The following INPP4B variants were observed in gnomAD, a reference collection of about 807,000 sequenced individuals.
INPP4B encodes the protein inositol polyphosphate 4-phosphatase type II.
INPP4B carries 55 observed loss-of-function variants against 122.5 expected under a neutral mutation model. The ratio of observed to expected loss-of-function variants is 0.45; its 90% CI spans 0.36 to 0.56. The LOEUF (loss-of-function observed/expected upper bound fraction) is 0.56. INPP4B is among the 20% of genes least tolerant of loss of function. The pLI is 0.00. For synonymous variants in INPP4B, 403 were observed against 388.7 expected (o/e 1.04, Z -0.43); for missense variants, 1,000 against 1,097.7 (o/e 0.91, Z 1.26).
intron 23 of INPP4B, among the ~76,000 whole-genome samples, chr4:142,097,225 T>TTTTATGTTATTTTATTTTA (rs70949153): frequency 1.5e-5 from 2 of 135,556 alleles, no homozygotes; most frequent in South Asian, 4.7e-4. Flanking sequence ...TTTTATGTTA[T>TTTTATGTTATTTTATTTTA]TTTTATTTTA....
At chr4:142,671,893 T>C (rs1757054717) in intron 2 of INPP4B, among the ~76,000 whole-genome samples, 1 of 152,144 alleles carries the variant, frequency 6.6e-6, no homozygotes, top group Non-Finnish European at 1.5e-5. Context: ...CCCCAAAATA[T>C]TGCCTCATGC....
At chr4:142,820,091 G>C (rs1780615142) in intron 1 of INPP4B, among the ~76,000 whole-genome samples, 1 of 152,034 alleles carries the variant, frequency 6.6e-6, no homozygotes, top group Non-Finnish European at 1.5e-5. Flanking sequence ...TGTACCTCCA[G>C]GTTAGGCTAT....
At chr4:142,371,515 A>G (rs2148706811) in intron 7 of INPP4B, among the ~76,000 whole-genome samples, 1 of 152,288 alleles carries the variant, frequency 6.6e-6, no homozygotes, top group East Asian at 1.9e-4. Context: ...AAATATTTGC[A>G]AACTGTTTAT....
At chr4:142,325,208 C>A (rs552332505) in intron 7 of INPP4B, among the ~76,000 whole-genome samples, 12 of 152,308 alleles carry the variant, frequency 7.9e-5, no homozygotes, top group African/African-American at 2.9e-4. Context: ...CCTACCCAAA[C>A]CGAACTCCTT....
At chr4:142,806,506 C>A (rs1324356428) in intron 1 of INPP4B, among the ~76,000 whole-genome samples, 1 of 151,626 alleles carries the variant, frequency 6.6e-6, no homozygotes, top group Non-Finnish European at 1.5e-5. Flanking sequence ...CTTTGGGAGG[C>A]CAAGGGGGGT....
At chr4:142,153,647 A>G (rs1402575744) in intron 17 of INPP4B, among the ~76,000 whole-genome samples, 1 of 152,186 alleles carries the variant, frequency 6.6e-6, no homozygotes, top group Non-Finnish European at 1.5e-5. Flanking sequence ...ACATTAATAG[A>G]AGTAAAATAT....
intron 12 of INPP4B, among the ~76,000 whole-genome samples, chr4:142,217,975 C>T (rs890708871): frequency 1.3e-5 from 2 of 152,136 alleles, no homozygotes; most frequent in African/African-American, 4.8e-5. Context: ...AGCCTACTCA[C>T]CCTGCAAATC....
At chr4:142,408,616 T>C (rs1803953177) in intron 5 of INPP4B, among the ~76,000 whole-genome samples, 4 of 152,184 alleles carry the variant, frequency 2.6e-5, no homozygotes, top group Admixed American at 2.6e-4. Context: ...TAACCAAATA[T>C]AATTCTACTC....
intron 2 of INPP4B, among the ~76,000 whole-genome samples, chr4:142,558,454 A>T (rs1435270881): frequency 6.6e-6 from 1 of 152,156 alleles, no homozygotes; most frequent in African/African-American, 2.4e-5. Flanking sequence ...AAAAACCAAA[A>T]GTTAGGGAGG....
At chr4:142,301,462 G>C (rs1053929545) in intron 9 of INPP4B, among the ~76,000 whole-genome samples, 1 of 152,148 alleles carries the variant, frequency 6.6e-6, no homozygotes, top group Non-Finnish European at 1.5e-5. Context: ...AGGCTCTGGA[G>C]TCAGACCAAA....
chr4:142,429,064 T>C, intron 5 of INPP4B, 109 bp downstream of exon 5: 2 of 569,034 alleles, frequency 3.5e-6, no homozygotes, highest in Non-Finnish European at 6.3e-6. Flanking sequence ...TAGAACAATG[T>C]TCATAAAAAT....
chr4:142,366,412 C>G (rs1787505059), intron 7 of INPP4B, among the ~76,000 whole-genome samples: 1 of 151,704 alleles, frequency 6.6e-6, no homozygotes, highest in Non-Finnish European at 1.5e-5. Context: ...ATAAATGGCT[C>G]TAATAAAATA....
intron 1 of INPP4B, among the ~76,000 whole-genome samples, chr4:142,832,424 C>T (rs939149985): frequency 1.3e-5 from 2 of 152,082 alleles, no homozygotes; most frequent in Non-Finnish European, 2.9e-5. Context: ...TAGATTGATC[C>T]AGTCAGAGCT....
At chr4:142,733,474 A>G (rs1580796667) in intron 1 of INPP4B, among the ~76,000 whole-genome samples, 1 of 152,342 alleles carries the variant, frequency 6.6e-6, no homozygotes, top group East Asian at 1.9e-4. Flanking sequence ...AAAGTCATAA[A>G]TATAAACTTC....
intron 2 of INPP4B, chr4:142,654,719 A>C (rs1221811046): frequency 6.6e-6 from 1 of 152,210 alleles, no homozygotes; most frequent in African/African-American, 2.4e-5. Flanking sequence ...ACAAAGTCAG[A>C]CCAAAGTTCC....
chr4:142,123,243 T>A, intron 20 of INPP4B, 49 bp downstream of exon 20: 1 of 1,436,302 alleles, frequency 7.0e-7, no homozygotes, highest in Non-Finnish European at 9.4e-7. Flanking sequence ...GGATTAAATG[T>A]CCTTCTGAAT....
intron 16 of INPP4B, among the ~76,000 whole-genome samples, chr4:142,163,427 T>C (rs190616436): frequency 4.6e-5 from 7 of 151,974 alleles, no homozygotes; most frequent in Admixed American, 4.6e-4. Context: ...CATGTTCAAG[T>C]AGCCTTGATG....
At position 142,389,616 on chromosome 4, in the gene INPP4B, C is replaced by A. The variant is rs191706658; in HGVS notation, c.372+13322G>T. Among the ~76,000 whole-genome samples the A allele has an allele frequency of 4.3e-3, 654 of 152,170 alleles. 4 individuals carry two copies. Among genetic ancestry groups the A allele is most frequent in the African/African-American group, 0.015 (640 of 41,526 alleles). On this transcript the variant is annotated intron_variant, in intron 7 of 25. Transcript: ENST00000262992. Reference sequence around the variant, plus strand: ...ATTATTCAATTTACTTACTTTGGAGCCTTAGAGTCTAGATAAGGCATGGGG... The same window carrying A: ...ATTATTCAATTTACTTACTTTGGAGACTTAGAGTCTAGATAAGGCATGGGG...
chr4:142,208,025 C>CA lies in INPP4B; in HGVS notation c.1072+399dup, dbSNP rs989752467. Among the ~76,000 whole-genome samples the CA allele has an allele frequency of 5.1e-3, 762 of 150,034 alleles. 8 individuals carry two copies. Among genetic ancestry groups the CA allele is most frequent in the African/African-American group, 0.017 (713 of 41,028 alleles). On this transcript the variant is annotated intron_variant, in intron 14 of 25. Coordinates refer to ENST00000262992, the MANE Select transcript of INPP4B (RefSeq NM_001101669.3). ...TTTCTATTGATAGTTATCAGTAAGT[C>CA]AAAAAAAAACCTGGCATATTAGTCC... is the stretch of plus-strand genomic sequence containing the variant.
Sources: gnomAD v4.1 joint callset for allele counts (sites outside exome capture counted in the v4.1 genomes callset) on GRCh38, gnomAD v4.1.1 for gene constraint, MANE v1.5 for transcripts, NCBI Gene and HGNC (gene_info 2026-07-23, HGNC 2026-07-21) for gene names.